The following B3GNT5 variants were observed in gnomAD, a reference collection of about 807,000 sequenced individuals.
B3GNT5 encodes the protein UDP-GlcNAc:betaGal beta-1,3-N-acetylglucosaminyltransferase 5.
Under a neutral mutation model 25.9 loss-of-function variants are expected in B3GNT5, and 11 were observed. The ratio of observed to expected loss-of-function variants is 0.42; its 90% confidence interval spans 0.27 to 0.70. The LOEUF (loss-of-function observed/expected upper bound fraction) is 0.70. Ranked by LOEUF, B3GNT5 falls within the 30% of genes least tolerant of loss-of-function variation. B3GNT5 has a pLI of 0.23. For missense variants in B3GNT5, 385 were observed against 458.4 expected (o/e 0.84, Z 1.46); for synonymous variants, 166 against 158.6 (o/e 1.05, Z -0.35).
chr3:183,259,847 A>C (rs1482859445), intron 1 of B3GNT5, among the ~76,000 whole-genome samples: 1 of 152,166 alleles, frequency 6.6e-6, no homozygotes, highest in Non-Finnish European at 1.5e-5. Flanking sequence ...GACCAAGAAG[A>C]AGAAGGAGGG....
Position 183,272,471 on chromosome 3 carries a change from T to C in B3GNT5, c.*1536T>C, listed in dbSNP as rs1726860931. The C allele has an allele frequency of 1.0e-6, 1 of 999,560 alleles. No homozygotes were observed. The highest frequency in any genetic ancestry group is 1.2e-6 in the Non-Finnish European group (1 of 829,518). 61.9% of individuals were successfully genotyped at this position (999,560 alleles called of 1,614,324 possible). A position where few individuals can be genotyped will look rare whatever the true frequency, so the allele number is the denominator to read the frequency against. On this transcript the variant is annotated 3_prime_UTR_variant, in exon 2 of 2. Transcript: ENST00000326505. Reference sequence around the variant, plus strand: ...TTTCTCAGTATACACAACTGAATGATGATACTTACAATTTTTAGCAGGTAG... The same window carrying C: ...TTTCTCAGTATACACAACTGAATGACGATACTTACAATTTTTAGCAGGTAG...
chr3:183,255,357 G>T (rs576829741), intron 1 of B3GNT5, among the ~76,000 whole-genome samples: 1 of 152,330 alleles, frequency 6.6e-6, no homozygotes, highest in African/African-American at 2.4e-5. Flanking sequence ...CAAGTGAGGA[G>T]GTGAAAGCTG....
chr3:183,268,099 T>C (rs956149079), intron 1 of B3GNT5, among the ~76,000 whole-genome samples: 2 of 152,214 alleles, frequency 1.3e-5, no homozygotes, highest in African/African-American at 2.4e-5. Context: ...AGGATGTCTG[T>C]AGACTTCATA....
chr3:183,262,305 A>T (rs1020712232), intron 1 of B3GNT5, among the ~76,000 whole-genome samples: 6 of 151,880 alleles, frequency 4.0e-5, no homozygotes, highest in Non-Finnish European at 7.4e-5. Flanking sequence ...ATGTCCATGG[A>T]AGTTGGCAAT....
chr3:183,257,958 C>CTTTTTTTTTTTTTTTTTTTTT lies in B3GNT5; in HGVS notation c.-302+4493_-302+4513dup, dbSNP rs35323502. ...TATTCCTTGCTCCCTCCACTTCACC[C>CTTTTTTTTTTTTTTTTTTTTT]TTTTTTTTTTTTTTTTTTTTTTTTT... is the stretch of plus-strand genomic sequence containing the variant. On this transcript the variant is annotated intron_variant, in intron 1 of 1. Transcript: ENST00000326505. Among the ~76,000 whole-genome samples, 2 of 64,724 alleles carry CTTTTTTTTTTTTTTTTTTTTT rather than the reference C, an allele frequency of 3.1e-5. 1 individual carries two copies. Among genetic ancestry groups the CTTTTTTTTTTTTTTTTTTTTT allele is most frequent in the Non-Finnish European group, 5.1e-5 (2 of 39,024 alleles). 42.5% of individuals were successfully genotyped at this position (64,724 alleles called of 152,430 possible).
rs1726637774 is a variant in B3GNT5 at position 183,270,332 on chromosome 3, G to C, written c.534G>C (p.Trp178Cys). The part of the protein sequence containing the change: ...LTLKLLMQFS[W>C]ANTYCPHAKF... ...TGAAATTACTTATGCAGTTCAGTTG[G>C]GCAAATACCTATTGTCCACATGCCA... The change falls in exon 2 of 2, where the codon TGG becomes TGC. Residue 178 changes from tryptophan to cysteine, a missense_variant. By Grantham distance (215) the Trp-to-Cys change is radical (BLOSUM62 -2). Transcript: ENST00000326505. This position sits in a 1 kb window ranked among gnomAD's most constrained non-coding sequence, Gnocchi z 4.5. 1 of 1,613,890 alleles carries C rather than the reference G, an allele frequency of 6.2e-7. No individual in the cohort carries two copies. Among genetic ancestry groups the C allele is most frequent in the Non-Finnish European group, 8.5e-7 (1 of 1,179,992 alleles).
chr3:183,270,410 T>A lies in B3GNT5; in HGVS notation c.612T>A (p.Ile204=), dbSNP rs764354287. ...TATTTATTCACATGCCAAATCTGAT[T>A]GAGTACCTTCAAAGTTTAGAACAAA... ...DDIFIHMPNL[I]EYLQSLEQIG... is the part of the protein sequence containing the mutation. The change falls in exon 2 of 2, where the codon ATT becomes ATA. Residue 204 remains isoleucine (I), a synonymous_variant. Transcript: ENST00000326505. The surrounding 1 kb of genome is among the most constrained non-coding windows in gnomAD (Gnocchi z 4.5). 1 of 1,614,240 alleles carries A rather than the reference T, an allele frequency of 6.2e-7. No individual in the cohort carries two copies. The highest frequency in any genetic ancestry group is 1.1e-5 in the South Asian group (1 of 91,086).
Position 183,270,437 on chromosome 3 carries a change from T to G in B3GNT5, c.639T>G (p.Ile213Met), listed in dbSNP as rs1726652718. The G allele has an allele frequency of 6.2e-7, 1 of 1,614,194 alleles. No homozygotes were observed. Among genetic ancestry groups the G allele is most frequent in the East Asian group, 2.2e-5 (1 of 44,890 alleles). Residue 213 changes from isoleucine to methionine, a missense_variant, in exon 2 of 2, where the codon ATT (isoleucine) becomes ATG (methionine). Ile to Met is a conservative substitution (Grantham distance 10, BLOSUM62 1). Coordinates refer to ENST00000326505, the MANE Select transcript of B3GNT5 (RefSeq NM_032047.5). This position sits in a 1 kb window ranked among gnomAD's most constrained non-coding sequence, Gnocchi z 4.5. ...LIEYLQSLEQIGVQDFWIGRV... is the reference protein window; with the variant it reads ...LIEYLQSLEQMGVQDFWIGRV... Reference sequence around the variant, plus strand: ...AGTACCTTCAAAGTTTAGAACAAATTGGTGTTCAAGACTTTTGGATTGGTC... The same window carrying G: ...AGTACCTTCAAAGTTTAGAACAAATGGGTGTTCAAGACTTTTGGATTGGTC...
At chr3:183,268,090 G>C (rs1726334671) in intron 1 of B3GNT5, among the ~76,000 whole-genome samples, 1 of 152,218 alleles carries the variant, frequency 6.6e-6, no homozygotes, top group Non-Finnish European at 1.5e-5. Context: ...TCCCAGAGAA[G>C]GATGTCTGTA....
At chr3:183,266,849 C>T (rs941191757) in intron 1 of B3GNT5, among the ~76,000 whole-genome samples, 9 of 151,288 alleles carry the variant, frequency 5.9e-5, no homozygotes, top group Non-Finnish European at 7.4e-5. Context: ...TGCAGTGGCA[C>T]GATCTCGGCT....
chr3:183,265,047 T>G (rs1425173655), intron 1 of B3GNT5, among the ~76,000 whole-genome samples: 1 of 152,214 alleles, frequency 6.6e-6, no homozygotes, highest in African/African-American at 2.4e-5. Context: ...TTCTAAGCAA[T>G]TCTTTGTCCT....
intron 1 of B3GNT5, among the ~76,000 whole-genome samples, chr3:183,268,311 A>T (rs1375144425): frequency 2.0e-5 from 3 of 152,222 alleles, no homozygotes; most frequent in African/African-American, 7.2e-5. Flanking sequence ...AGAGGCTCTG[A>T]AGGAGTTAAA....
At chr3:183,265,314 A>G (rs921264439) in intron 1 of B3GNT5, 5 of 152,408 alleles carry the variant, frequency 3.3e-5, no homozygotes, top group African/African-American at 1.2e-4. Context: ...CACCCACAGC[A>G]GTCTGTTGTG....
At chr3:183,253,606 C>T (rs1724714876) in intron 1 of B3GNT5, 134 bp downstream of exon 1, 1 of 152,292 alleles carries the variant, frequency 6.6e-6, no homozygotes, top group Non-Finnish European at 1.5e-5. Context: ...GAGCTCCACG[C>T]ATAAGTGGTG....
chr3:183,267,531 C>T lies in B3GNT5; in HGVS notation c.-301-1967C>T, dbSNP rs567657272. On this transcript the variant is annotated intron_variant, in intron 1 of 1. Coordinates refer to ENST00000326505, the MANE Select transcript of B3GNT5 (RefSeq NM_032047.5). This position sits in a 1 kb window ranked among gnomAD's most constrained non-coding sequence, Gnocchi z 5.5. ...TGGTTTTCTATCAGGGGTCAACCGG[C>T]GGGGGGACTTGAGAACAGATCTCTG... Among the ~76,000 whole-genome samples, 6 of 152,296 alleles carry T rather than the reference C, an allele frequency of 3.9e-5. No individual in the cohort carries two copies. Among genetic ancestry groups the T allele is most frequent in the Non-Finnish European group, 5.9e-5 (4 of 68,028 alleles).
In B3GNT5 at chr3:183,267,692, G is replaced by A. The variant is rs147294471; in HGVS notation, c.-301-1806G>A. On this transcript the variant is annotated intron_variant, in intron 1 of 1. Transcript: ENST00000326505. The surrounding 1 kb of genome is among the most constrained non-coding windows in gnomAD (Gnocchi z 5.5). Reference sequence around the variant, plus strand: ...AAGAGAGCCTACCTTTCCATCCAAGGAAGTGTTTTACCTGTGGTAAGCACG... The same window carrying A: ...AAGAGAGCCTACCTTTCCATCCAAGAAAGTGTTTTACCTGTGGTAAGCACG... Among the ~76,000 whole-genome samples, 45 of 152,320 alleles carry A rather than the reference G, an allele frequency of 3.0e-4. No homozygotes were observed. The highest frequency in any genetic ancestry group is 1.1e-3 in the African/African-American group (44 of 41,578).
chr3:183,260,531 C>T (rs1402257353), intron 1 of B3GNT5, among the ~76,000 whole-genome samples: 1 of 152,156 alleles, frequency 6.6e-6, no homozygotes, highest in African/African-American at 2.4e-5. Context: ...CATAATCAAA[C>T]TGGTTACTGG....
chr3:183,255,139 T>C (rs1724924317), intron 1 of B3GNT5, among the ~76,000 whole-genome samples: 1 of 152,186 alleles, frequency 6.6e-6, no homozygotes, highest in Admixed American at 6.5e-5. Flanking sequence ...TGCCTTTATT[T>C]TGGGAAACCT....
chr3:183,255,409 C>A (rs2108397584), intron 1 of B3GNT5, among the ~76,000 whole-genome samples: 1 of 152,334 alleles, frequency 6.6e-6, no homozygotes, highest in South Asian at 2.1e-4. Flanking sequence ...AAGCTAAACG[C>A]AATACCAGAA....
Sources: gnomAD v4.1 joint callset for allele counts (sites outside exome capture counted in the v4.1 genomes callset) on GRCh38, gnomAD v4.1.1 for gene constraint, Gnocchi (gnomAD v3.1) non-coding constraint, MANE v1.5 for transcripts, NCBI Gene and HGNC (gene_info 2026-07-23, HGNC 2026-07-21) for gene names.